The following TSPAN2 variants were observed in gnomAD, a reference collection of about 807,000 sequenced individuals.
The protein encoded by TSPAN2 is tetraspanin 2, also known as tetraspanin-2.
Under a neutral mutation model 33.3 loss-of-function variants are expected in TSPAN2, and 24 were observed. That is an observed-to-expected ratio of 0.72 (90% CI 0.52 to 1.01). The LOEUF is 1.01. TSPAN2 is among the 50% of genes least tolerant of loss of function. TSPAN2 has a pLI of 0.00. For synonymous variants in TSPAN2, 114 were observed against 104.5 expected, an observed-to-expected ratio of 1.09 and a Z score of -0.56; for missense variants, 278 against 281.3, an observed-to-expected ratio of 0.99 and a Z score of 0.08.
At chr1:115,065,314 A>T (rs1475962992) in intron 2 of TSPAN2, among the ~76,000 whole-genome samples, 1 of 152,210 alleles carries the variant, frequency 6.6e-6, no homozygotes, top group East Asian at 1.9e-4. Flanking sequence ...CCCTCAAAAA[A>T]TAGCTGCTGA....
rs145646973 is a variant in TSPAN2 at position 115,077,812 on chromosome 1, G to A, written c.70-4805C>T. 2.9e-3 allele frequency among the ~76,000 whole-genome samples: 437 copies of A among 152,296 alleles called. 4 individuals carry two copies. The highest frequency in any genetic ancestry group is 9.9e-3 in the African/African-American group (411 of 41,552). ...TTGCAAACATGGTCCCTAGGCAGGCGCTGCGGTTGGAGTGGGGTGGTGCTG... is the reference window on the plus strand; with the variant it reads ...TTGCAAACATGGTCCCTAGGCAGGCACTGCGGTTGGAGTGGGGTGGTGCTG... On this transcript the variant is annotated intron_variant, in intron 1 of 7. Coordinates refer to ENST00000369516, the MANE Select transcript of TSPAN2 (RefSeq NM_005725.6).
intron 6 of TSPAN2, among the ~76,000 whole-genome samples, chr1:115,055,233 T>C (rs1015361305): frequency 1.3e-5 from 2 of 152,176 alleles, no homozygotes; most frequent in Non-Finnish European, 2.9e-5. Flanking sequence ...TTCCCTTCAT[T>C]GCCAGCTTCT....
rs113457122 is a variant in TSPAN2, at chr1:115,073,498, C to T, written c.70-491G>A. The stretch of plus-strand genomic sequence containing the variant: ...CACTTTTCTGAATGGGAAGAAAATA[C>T]AGCAACCTCAACCTCAGAACCCACC... On this transcript the variant is annotated intron_variant, in intron 1 of 7. Transcript: ENST00000369516. Among the ~76,000 whole-genome samples the T allele has an allele frequency of 6.0e-5, 9 of 149,170 alleles. 1 individual carries two copies. Among genetic ancestry groups the T allele is most frequent in the African/African-American group, 2.2e-4 (9 of 40,758 alleles).
At chr1:115,078,304 G>C (rs1318434809) in intron 1 of TSPAN2, among the ~76,000 whole-genome samples, 4 of 152,210 alleles carry the variant, frequency 2.6e-5, no homozygotes, top group Non-Finnish European at 1.5e-5. Context: ...GGCAGGGACA[G>C]GGTCTATATT....
In TSPAN2 at chr1:115,049,375, C is replaced by G. The variant is rs571382879; in HGVS notation, c.*1115G>C. On this transcript the variant is annotated 3_prime_UTR_variant, in exon 8 of 8. Transcript: ENST00000369516. ...CTTTATTTTGGTTTGGCCAAAGATGCTAATGGTTAAATTATGAAGGACTTT... is the reference window on the plus strand; with the variant it reads ...CTTTATTTTGGTTTGGCCAAAGATGGTAATGGTTAAATTATGAAGGACTTT... The G allele has an allele frequency of 2.6e-5, 4 of 152,460 alleles. No homozygotes were observed. Among genetic ancestry groups the G allele is most frequent in the Non-Finnish European group, 5.9e-5 (4 of 67,966 alleles). 9.4% of individuals were successfully genotyped at this position (152,460 alleles called of 1,614,324 possible). A position where few individuals can be genotyped will look rare whatever the true frequency, so the allele number is the denominator to read the frequency against.
intron 6 of TSPAN2, among the ~76,000 whole-genome samples, chr1:115,057,164 A>T (rs2101024935): frequency 6.6e-6 from 1 of 152,250 alleles, no homozygotes; most frequent in East Asian, 1.9e-4. Context: ...ACCATGTTAA[A>T]CACAAAGCTC....
chr1:115,085,599 A>G (rs1435946120), intron 1 of TSPAN2, among the ~76,000 whole-genome samples: 1 of 152,160 alleles, frequency 6.6e-6, no homozygotes, highest in Non-Finnish European at 1.5e-5. Flanking sequence ...AGTCACAGCT[A>G]AAGTCTGGCC....
intron 1 of TSPAN2, among the ~76,000 whole-genome samples, chr1:115,076,879 T>A (rs745734391): frequency 2.0e-5 from 3 of 151,336 alleles, no homozygotes; most frequent in Non-Finnish European, 4.4e-5. Flanking sequence ...CCCACCAGAA[T>A]GCACATGAGA....
chr1:115,073,769 C>A (rs1042745234), intron 1 of TSPAN2, among the ~76,000 whole-genome samples: 1 of 151,956 alleles, frequency 6.6e-6, no homozygotes, highest in African/African-American at 2.4e-5. Context: ...GTGGCTGGCA[C>A]AGGCAGTGGC....
At chr1:115,077,972 G>A (rs930375096) in intron 1 of TSPAN2, among the ~76,000 whole-genome samples, 1 of 152,186 alleles carries the variant, frequency 6.6e-6, no homozygotes, top group Non-Finnish European at 1.5e-5. Flanking sequence ...ACTAAGTCCA[G>A]CAAAAAAGCC....
intron 1 of TSPAN2, among the ~76,000 whole-genome samples, chr1:115,083,653 T>C (rs1195781349): frequency 4.6e-5 from 7 of 152,196 alleles, no homozygotes; most frequent in Non-Finnish European, 1.0e-4. Flanking sequence ...CCCTATGTGA[T>C]CTGTACGCAC....
At chr1:115,073,053 A>C in intron 1 of TSPAN2, 46 bp from the exon 2 acceptor site, 1 of 1,528,280 alleles carries the variant, frequency 6.5e-7, no homozygotes, top group Non-Finnish European at 9.1e-7. Flanking sequence ...GGGAAAGAGC[A>C]TGCACAGATC....
At chr1:115,086,717 G>C (rs556185250) in intron 1 of TSPAN2, among the ~76,000 whole-genome samples, 1 of 152,058 alleles carries the variant, frequency 6.6e-6, no homozygotes, top group Non-Finnish European at 1.5e-5. Context: ...CACTGGTCTC[G>C]TTTCCTCAAT....
intron 2 of TSPAN2, among the ~76,000 whole-genome samples, chr1:115,068,389 T>A (rs1465106218): frequency 3.3e-5 from 5 of 152,236 alleles, no homozygotes; most frequent in African/African-American, 1.2e-4. Flanking sequence ...GGCAGTCATC[T>A]ACCCCGAAGC....
intron 5 of TSPAN2, 48 bp from the exon 6 acceptor site, chr1:115,057,656 G>A (rs758822599): frequency 1.8e-5 from 28 of 1,587,876 alleles, no homozygotes; most frequent in Non-Finnish European, 2.4e-5. Flanking sequence ...AGGAGTAGCA[G>A]CTACAAGTCT....
intron 2 of TSPAN2, among the ~76,000 whole-genome samples, chr1:115,066,564 C>T (rs930709233): frequency 1.3e-5 from 2 of 152,162 alleles, no homozygotes; most frequent in African/African-American, 2.4e-5. Context: ...CTCCTAACGG[C>T]CTACTGGGAT....
Position 115,053,252 on chromosome 1 carries a change from G to T in TSPAN2, c.600+127C>A, listed in dbSNP as rs1244112415. 4.0e-6 allele frequency: 3 copies of T among 754,568 alleles called. No individual in the cohort carries two copies. The African/African-American group carries it at 5.4e-5, about 14-fold the overall frequency. The allele number at this position is 754,568 out of a possible 1,614,324, so 46.7% of individuals were successfully genotyped here. On this transcript the variant is annotated intron_variant, in intron 7 of 7. Coordinates refer to ENST00000369516, the MANE Select transcript of TSPAN2 (RefSeq NM_005725.6). ...TTGTTCTTAGAAGATGTAATACATT[G>T]TGAACAAAGGTCTTTTTTCTTTATG... is the stretch of plus-strand genomic sequence containing the variant.
chr1:115,058,757 A>G (rs961977445), intron 5 of TSPAN2, 126 bp downstream of exon 5: 10 of 833,182 alleles, frequency 1.2e-5, no homozygotes, highest in Non-Finnish European at 1.8e-5. Context: ...CAAAAGGGCT[A>G]AAATAGGTGG....
intron 7 of TSPAN2, among the ~76,000 whole-genome samples, chr1:115,052,265 C>T (rs1467562468): frequency 6.6e-6 from 1 of 152,128 alleles, no homozygotes; most frequent in Non-Finnish European, 1.5e-5. Flanking sequence ...AAGGGGAAGG[C>T]GCTTGTGTGT....
Sources: allele counts gnomAD v4.1 joint callset (sites outside exome capture counted in the v4.1 genomes callset), GRCh38; gene constraint gnomAD v4.1.1; transcripts MANE v1.5; gene names NCBI Gene and HGNC (gene_info 2026-07-23, HGNC 2026-07-21).